Variants in MAGT1 observed in about 807,000 individuals in gnomAD.
The protein encoded by MAGT1 is magnesium transporter 1, also known as dolichyl-diphosphooligosaccharide--protein glycosyltransferase subunit MAGT1.
In MAGT1, 4 loss-of-function variants were observed where a neutral mutation model predicts 28.4. The ratio of observed to expected loss-of-function variants is 0.14; its 90% CI spans 0.07 to 0.32. The LOEUF is 0.32. MAGT1 is among the 10% of genes least tolerant of loss of function. MAGT1 has a pLI of 1.00. For missense variants in MAGT1, 193 were observed against 264.5 expected, an observed-to-expected ratio of 0.73 and a Z score of 1.88; for synonymous variants, 89 against 89.7, an observed-to-expected ratio of 0.99 and a Z score of 0.04.
chrX:77,864,713 T>G (rs190339893), intron 3 of MAGT1, among the ~76,000 whole-genome samples: 1 of 109,631 alleles, frequency 9.1e-6, no homozygotes, highest in East Asian at 2.9e-4. Context: ...AAAAAGCAAT[T>G]TTTTTTTTTG....
chrX:77,893,139 G>A (rs1557219620), intron 1 of MAGT1, among the ~76,000 whole-genome samples: 1 of 111,685 alleles, frequency 9.0e-6, no homozygotes, highest in African/African-American at 3.3e-5. Flanking sequence ...CTGTGTAAGA[G>A]GCCCTGTCTC....
chrX:77,893,886 G>A (rs1488915547), intron 1 of MAGT1, among the ~76,000 whole-genome samples: 1 of 109,012 alleles, frequency 9.2e-6, no homozygotes, highest in South Asian at 4.0e-4. Flanking sequence ...CTGGGCAACA[G>A]AGCGAGACCC....
At chrX:77,873,104 C>G (rs1410856313) in intron 2 of MAGT1, among the ~76,000 whole-genome samples, 1 of 112,181 alleles carries the variant, frequency 8.9e-6, no homozygotes, top group Non-Finnish European at 1.9e-5. Flanking sequence ...AGTGAACTGA[C>G]GGAATTAGAA....
chrX:77,893,001 T>C (rs2077087783), intron 1 of MAGT1, among the ~76,000 whole-genome samples: 1 of 110,738 alleles, frequency 9.0e-6, no homozygotes, highest in African/African-American at 3.3e-5. Flanking sequence ...ACAAGGACAA[T>C]ACAGGTCAGG....
chrX:77,875,035 T>C lies in MAGT1; in HGVS notation c.272+393A>G, dbSNP rs377537027. Among the ~76,000 whole-genome samples the C allele has an allele frequency of 2.0e-4, 22 of 109,226 alleles. No homozygotes were observed. The East Asian group carries it at 5.5e-3, about 27-fold the overall frequency. 94.8% of individuals were successfully genotyped at this position (109,226 alleles called of 115,157 possible). On this transcript the variant is annotated intron_variant, in intron 2 of 9. Transcript: ENST00000618282. Reference sequence around the variant, plus strand: ...ATGCCTAGCTAATTTTTGTATTTTTTTTTTTTTAGTAGAGATGGGGTTTCA... The same window carrying C: ...ATGCCTAGCTAATTTTTGTATTTTTCTTTTTTTAGTAGAGATGGGGTTTCA...
At chrX:77,864,101 T>A (rs1557216680) in intron 3 of MAGT1, among the ~76,000 whole-genome samples, 2 of 110,332 alleles carry the variant, frequency 1.8e-5, no homozygotes. Flanking sequence ...CTTGCAGCAA[T>A]ATGGATGGAA....
chrX:77,888,802 C>A (rs1201369272), intron 1 of MAGT1, among the ~76,000 whole-genome samples: 1 of 110,959 alleles, frequency 9.0e-6, no homozygotes, highest in Non-Finnish European at 1.9e-5. Context: ...TGTGGGTACA[C>A]AGTAGGTATA....
At chrX:77,877,857 TAAAATAAAATAAA>T (rs1557218019) in intron 1 of MAGT1, among the ~76,000 whole-genome samples, 2,217 of 106,279 alleles carry the variant, frequency 0.021, 29 homozygotes, top group Non-Finnish European at 0.031. Context: ...TAAAATAAAA[TAAAATAAAATAAA>T]ATATACTGAC....
In MAGT1 at chrX:77,873,640, T is replaced by C. The variant is rs2149024473; in HGVS notation, c.272+1788A>G. ...AAAACTTAAGCAAGATTAGTCTCCATCTCCAAGGTTTACAATCACTATAAA... is the reference window on the plus strand; with the variant it reads ...AAAACTTAAGCAAGATTAGTCTCCACCTCCAAGGTTTACAATCACTATAAA... On this transcript the variant is annotated intron_variant, in intron 2 of 9. Transcript: ENST00000618282. Among the ~76,000 whole-genome samples the C allele has an allele frequency of 1.8e-5, 2 of 111,452 alleles. 1 individual carries two copies. Among genetic ancestry groups the C allele is most frequent in the South Asian group, 7.4e-4 (2 of 2,696 alleles).
Position 77,849,681 on chromosome X carries a change from G to A in MAGT1, c.826+4220C>T, listed in dbSNP as rs782065193. On this transcript the variant is annotated intron_variant, in intron 7 of 9. Transcript: ENST00000618282. ...AGCTCAGGAGTTCGAAACCAGCCTC[G>A]CCAACATGATGAAACCCCATCTCTA... Among the ~76,000 whole-genome samples the A allele has an allele frequency of 1.5e-4, 16 of 109,485 alleles. No homozygotes were observed. The East Asian group carries it at 3.5e-3, about 24-fold the overall frequency.
At chrX:77,862,125 G>A (rs1225885610) in intron 3 of MAGT1, among the ~76,000 whole-genome samples, 2 of 111,236 alleles carry the variant, frequency 1.8e-5, no homozygotes, top group African/African-American at 6.5e-5. Flanking sequence ...ACCAAAATAA[G>A]ATACACTATT....
At chrX:77,848,833 C>T (rs1267645993) in intron 7 of MAGT1, among the ~76,000 whole-genome samples, 3 of 109,857 alleles carry the variant, frequency 2.7e-5, no homozygotes, top group Non-Finnish European at 3.8e-5. Context: ...GACGACAGGG[C>T]GAGACTCCAT....
At chrX:77,883,964 G>A (rs1467208944) in intron 1 of MAGT1, among the ~76,000 whole-genome samples, 2 of 110,961 alleles carry the variant, frequency 1.8e-5, no homozygotes, top group Non-Finnish European at 3.8e-5. Context: ...AGGTCAAGTC[G>A]GATGGATCAC....
chrX:77,828,865 A>G lies in MAGT1; in HGVS notation c.*355T>C, dbSNP rs2076890403. 5.9e-6 allele frequency: 1 copy of G among 169,022 alleles called. No homozygotes were observed. Among genetic ancestry groups the G allele is most frequent in the African/African-American group, 3.1e-5 (1 of 32,537 alleles). The allele number at this position is 169,022 out of a possible 1,213,427, so 13.9% of individuals were successfully genotyped here. A position where few individuals can be genotyped will look rare whatever the true frequency, so the allele number is the denominator to read the frequency against. On this transcript the variant is annotated 3_prime_UTR_variant, in exon 10 of 10. Coordinates refer to ENST00000618282, the MANE Select transcript of MAGT1 (RefSeq NM_001367916.1). ...ACTTTCCCCATCTTTGGATAAGGCA[A>G]TATAAAATCAGATGACCAAGTTAAC... is the stretch of plus-strand genomic sequence containing the variant.
rs782476857 is a variant in MAGT1, at chrX:77,835,113, G to T, written c.902-4218C>A. On this transcript the variant is annotated intron_variant, in intron 8 of 9. Transcript: ENST00000618282. The stretch of plus-strand genomic sequence containing the variant: ...TGGGACTACAGGTGCCTGCCACCAT[G>T]CCCAGCTAATTTTTTTGTATTTTTT... 7.4e-5 allele frequency among the ~76,000 whole-genome samples: 8 copies of T among 108,840 alleles called. No homozygotes were observed. The South Asian group carries it at 3.3e-3, about 44-fold the overall frequency. The allele number at this position is 108,840 out of a possible 115,157, so 94.5% of individuals were successfully genotyped here.
chrX:77,877,407 C>T (rs2077038402), intron 1 of MAGT1, among the ~76,000 whole-genome samples: 1 of 110,631 alleles, frequency 9.0e-6, no homozygotes, highest in Admixed American at 9.8e-5. Flanking sequence ...ATGAGAATTG[C>T]TTGAGACTGG....
chrX:77,861,093 C>T (rs782132718), intron 3 of MAGT1, among the ~76,000 whole-genome samples: 4 of 109,048 alleles, frequency 3.7e-5, no homozygotes, highest in Non-Finnish European at 7.6e-5. Context: ...GCAGGAGAAT[C>T]GCTTGAACCC....
chrX:77,853,505 C>G (rs1011886536), intron 7 of MAGT1, among the ~76,000 whole-genome samples: 3 of 112,014 alleles, frequency 2.7e-5, no homozygotes, highest in Non-Finnish European at 3.8e-5. Context: ...AACCCTGGGT[C>G]TGATTGACAG....
chrX:77,854,900 A>C (rs1326584266), intron 6 of MAGT1, among the ~76,000 whole-genome samples: 1 of 112,303 alleles, frequency 8.9e-6, no homozygotes, highest in Non-Finnish European at 1.9e-5. Flanking sequence ...GCTTAGAAAC[A>C]GTGGATGCTC....
Sources: allele counts gnomAD v4.1 joint callset (sites outside exome capture counted in the v4.1 genomes callset), GRCh38; gene constraint gnomAD v4.1.1; transcripts MANE v1.5; gene names NCBI Gene and HGNC (gene_info 2026-07-23, HGNC 2026-07-21).